The following COL26A1 variants were observed in gnomAD, a reference collection of about 807,000 sequenced individuals.
COL26A1 encodes the protein collagen alpha-1(XXVI) chain.
COL26A1 carries 41 observed loss-of-function variants against 59.3 expected under a neutral mutation model. The ratio of observed to expected loss-of-function variants is 0.69; its 90% CI spans 0.54 to 0.90. COL26A1 has a LOEUF of 0.90. Ranked by LOEUF, COL26A1 falls within the 40% of genes least tolerant of loss-of-function variation. The pLI is 0.00. For synonymous variants in COL26A1, 266 were observed against 256.0 expected (o/e 1.04, Z -0.37); for missense variants, 612 against 602.3 (o/e 1.02, Z -0.17).
chr7:101,409,619 AG>A (rs1792199037), intron 1 of COL26A1, among the ~76,000 whole-genome samples: 1 of 152,262 alleles, frequency 6.6e-6, no homozygotes, highest in South Asian at 2.1e-4. Flanking sequence ...CCACCTGATC[AG>A]GGTTCTCACC....
chr7:101,504,951 C>G (rs1172849845), intron 3 of COL26A1, among the ~76,000 whole-genome samples: 1 of 152,108 alleles, frequency 6.6e-6, no homozygotes, highest in African/African-American at 2.4e-5. Context: ...GTCAGGAGTT[C>G]CAGACCAGCC....
intron 3 of COL26A1, among the ~76,000 whole-genome samples, chr7:101,513,492 AATTTTTGT>A (rs549383386): frequency 9.3e-5 from 14 of 150,904 alleles, no homozygotes; most frequent in East Asian, 5.9e-4. Context: ...GTGCCCAGCT[AATTTTTGT>A]ATTTTTGTAT....
At chr7:101,420,993 C>G (rs34677547) in intron 2 of COL26A1, among the ~76,000 whole-genome samples, 26,739 of 152,094 alleles carry the variant, frequency 0.18, 2,805 homozygotes, top group Non-Finnish European at 0.24. Flanking sequence ...GGGGCCTCTA[C>G]CCCAAGCACC....
At chr7:101,425,364 G>C (rs1159822557) in intron 2 of COL26A1, among the ~76,000 whole-genome samples, 1 of 152,144 alleles carries the variant, frequency 6.6e-6, no homozygotes, top group Admixed American at 6.6e-5. Context: ...CGCTCTGCTA[G>C]TCTGGGAGCC....
At chr7:101,549,043 C>A in intron 8 of COL26A1, 128 bp from the exon 9 acceptor site, 1 of 521,356 alleles carries the variant, frequency 1.9e-6, no homozygotes, top group Non-Finnish European at 3.4e-6. Context: ...CCTCCCTCCT[C>A]CCCACACCAT....
At position 101,551,140 on chromosome 7, in the gene COL26A1, G is replaced by C. The variant is rs773152560; in HGVS notation, c.1026G>C (p.Pro342=). ...CTGGAGAGCGAGGCACAGTGGGGCC[G>C]TCCGTAAGTGTGGGCTGTGCAGATG... The part of the protein sequence containing the change: ...GLAGERGTVG[P]SGEPGVKGEE... The change falls in exon 10 of 13, where the codon CCG becomes CCC. Residue 342 remains proline, a synonymous_variant. Coordinates refer to ENST00000313669, the MANE Select transcript of COL26A1 (RefSeq NM_001278563.3). The C allele has an allele frequency of 1.3e-6, 2 of 1,551,020 alleles. No individual in the cohort carries two copies. The highest frequency in any genetic ancestry group is 1.7e-6 in the Non-Finnish European group (2 of 1,146,312).
chr7:101,397,286 G>T (rs755730302), intron 1 of COL26A1, among the ~76,000 whole-genome samples: 16 of 152,126 alleles, frequency 1.1e-4, no homozygotes, highest in Non-Finnish European at 2.1e-4. Flanking sequence ...AGTGTCTCAG[G>T]ATCTGGTGCT....
intron 3 of COL26A1, among the ~76,000 whole-genome samples, chr7:101,505,447 CT>C (rs201722236): frequency 0.03 from 4,459 of 149,066 alleles, 86 homozygotes; most frequent in South Asian, 0.052. Flanking sequence ...TGTGTGTATA[CT>C]TTTTTTTTTG....
At chr7:101,479,023 A>G (rs1236182999) in intron 3 of COL26A1, among the ~76,000 whole-genome samples, 1 of 152,206 alleles carries the variant, frequency 6.6e-6, no homozygotes. Context: ...ACTAACAGAT[A>G]TATTGCTTCT....
intron 3 of COL26A1, among the ~76,000 whole-genome samples, chr7:101,494,602 G>A (rs1277242912): frequency 2.0e-5 from 3 of 152,222 alleles, no homozygotes; most frequent in Non-Finnish European, 4.4e-5. Context: ...CCCCTTGAGG[G>A]GCAGGATTGA....
rs752529310 is a variant in COL26A1, at chr7:101,363,070, G to A, written c.38G>A (p.Cys13Tyr). 2 of 1,581,244 alleles carry A rather than the reference G, an allele frequency of 1.3e-6. No homozygotes were observed. The highest frequency in any genetic ancestry group is 1.1e-5 in the South Asian group (1 of 88,094). ...LALLLPWACC[C>Y]LCGSALATGF... Reference sequence around the variant, plus strand: ...CTGCTCCTGCCCTGGGCGTGTTGCTGCCTCTGCGGGTCGGCGCTGGCCACC... The same window carrying A: ...CTGCTCCTGCCCTGGGCGTGTTGCTACCTCTGCGGGTCGGCGCTGGCCACC... Residue 13 changes from cysteine (C) to tyrosine (Y), a missense_variant, in exon 1 of 13, where the codon TGC becomes TAC. Cys to Tyr is a radical substitution (Grantham distance 194, BLOSUM62 -2). Coordinates refer to ENST00000313669, the MANE Select transcript of COL26A1 (RefSeq NM_001278563.3).
At chr7:101,473,982 A>G (rs1793974911) in intron 3 of COL26A1, among the ~76,000 whole-genome samples, 1 of 152,228 alleles carries the variant, frequency 6.6e-6, no homozygotes, top group South Asian at 2.1e-4. Context: ...AGTGTTGGAA[A>G]GTAGAGAGGC....
intron 3 of COL26A1, among the ~76,000 whole-genome samples, chr7:101,507,498 T>C (rs1338886766): frequency 6.6e-6 from 1 of 152,024 alleles, no homozygotes; most frequent in African/African-American, 2.4e-5. Context: ...CACAGTTCAC[T>C]GCAACCTCCA....
intron 11 of COL26A1, 21 bp downstream of exon 11, chr7:101,553,397 C>G (rs756694766): frequency 6.2e-6 from 10 of 1,611,312 alleles, no homozygotes; most frequent in African/African-American, 1.3e-5. Context: ...CTGCCCTTCA[C>G]GTTCCCTCCC....
chr7:101,415,676 A>G (rs1792355442), intron 1 of COL26A1, among the ~76,000 whole-genome samples: 2 of 151,262 alleles, frequency 1.3e-5, no homozygotes, highest in South Asian at 4.2e-4. Flanking sequence ...TGTCATCCAG[A>G]CTGGAGTGCA....
rs146199857 is a variant in COL26A1 at position 101,438,550 on chromosome 7, C to T, written c.282-9134C>T. Among the ~76,000 whole-genome samples, 57 of 151,596 alleles carry T rather than the reference C, an allele frequency of 3.8e-4. 2 individuals are homozygous for T. The East Asian group carries it at 4.8e-3, about 13-fold the overall frequency. The stretch of plus-strand genomic sequence containing the variant: ...CAAGTCCAGCTCTGCACCTACCTGC[C>T]GCACAGTCTCTGGTGGACTCAGTGT... On this transcript the variant is annotated intron_variant, in intron 2 of 12. Transcript: ENST00000313669.
rs1796033512 is a variant in COL26A1, at chr7:101,558,432, T to C, written c.*902T>C. 6.6e-6 allele frequency: 1 copy of C among 152,258 alleles called. No homozygotes were observed. Among genetic ancestry groups the C allele is most frequent in the South Asian group, 2.1e-4 (1 of 4,830 alleles). The allele number at this position is 152,258 out of a possible 1,614,324, so 9.4% of individuals were successfully genotyped here. On this transcript the variant is annotated 3_prime_UTR_variant, in exon 13 of 13. Coordinates refer to ENST00000313669, the MANE Select transcript of COL26A1 (RefSeq NM_001278563.3). The stretch of plus-strand genomic sequence containing the variant: ...CAGGGGAGGCAGCATTTCATGGGCA[T>C]GTCTATCAGAGGTGGGACTTGCAGC...
At chr7:101,413,477 C>T (rs1440297967) in intron 1 of COL26A1, among the ~76,000 whole-genome samples, 1 of 151,744 alleles carries the variant, frequency 6.6e-6, no homozygotes, top group East Asian at 1.9e-4. Flanking sequence ...TGAGATCATG[C>T]CATCGCACTC....
chr7:101,427,322 T>G (rs1259780957), intron 2 of COL26A1, among the ~76,000 whole-genome samples: 1 of 151,990 alleles, frequency 6.6e-6, no homozygotes, highest in Middle Eastern at 3.2e-3. Flanking sequence ...TTCAGCCTCC[T>G]GAGTAGCTGG....
Sources: allele counts gnomAD v4.1 joint callset (sites outside exome capture counted in the v4.1 genomes callset), GRCh38; gene constraint gnomAD v4.1.1; transcripts MANE v1.5; gene names NCBI Gene and HGNC (gene_info 2026-07-23, HGNC 2026-07-21).